CDH4: variants seen among roughly 807,000 people sequenced by gnomAD.
CDH4 encodes cadherin-4.
Under a neutral mutation model 86.0 loss-of-function variants are expected in CDH4, and 33 were observed. The ratio of observed to expected loss-of-function variants is 0.38; its 90% CI spans 0.29 to 0.51. The LOEUF is 0.51. CDH4 is among the 20% of genes least tolerant of loss of function. The pLI is 0.86. For synonymous variants in CDH4, 555 were observed against 549.4 expected, an observed-to-expected ratio of 1.01 and a Z score of -0.14; for missense variants, 1,114 against 1,307.4, an observed-to-expected ratio of 0.85 and a Z score of 2.28.
chr20:61,464,741 A>G (rs929588883), intron 2 of CDH4, among the ~76,000 whole-genome samples: 5 of 152,198 alleles, frequency 3.3e-5, no homozygotes, highest in African/African-American at 1.2e-4. Flanking sequence ...GAGACACACT[A>G]GCAGAGCCCA....
chr20:61,534,628 G>T (rs537539469), intron 2 of CDH4, among the ~76,000 whole-genome samples: 1 of 138,704 alleles, frequency 7.2e-6, no homozygotes, highest in East Asian at 2.1e-4. Context: ...CTAAGTGGTG[G>T]TTTTTTCTTT....
chr20:61,302,112 T>A (rs1280513125), intron 2 of CDH4, among the ~76,000 whole-genome samples: 1 of 152,248 alleles, frequency 6.6e-6, no homozygotes, highest in Non-Finnish European at 1.5e-5. Flanking sequence ...GTAAGGAGAC[T>A]CCACTACAAA....
At chr20:61,592,154 C>A (rs910105996) in intron 2 of CDH4, among the ~76,000 whole-genome samples, 5 of 152,076 alleles carry the variant, frequency 3.3e-5, no homozygotes, top group Admixed American at 6.5e-5. Flanking sequence ...TTTCCCCCAG[C>A]CATTTACTTT....
chr20:61,914,755 T>A (rs2054887502), intron 9 of CDH4, among the ~76,000 whole-genome samples: 1 of 152,162 alleles, frequency 6.6e-6, no homozygotes, highest in South Asian at 2.1e-4. Context: ...AACCCAGATG[T>A]GAAAATCTGC....
chr20:61,661,089 G>GGGGA (rs75519977), intron 2 of CDH4, among the ~76,000 whole-genome samples: 5 of 140,332 alleles, frequency 3.6e-5, no homozygotes, highest in African/African-American at 1.2e-4. Flanking sequence ...CATGGCGGGG[G>GGGGA]GGGGGGAGAC....
At chr20:61,588,786 C>T (rs913422084) in intron 2 of CDH4, among the ~76,000 whole-genome samples, 3 of 152,168 alleles carry the variant, frequency 2.0e-5, no homozygotes, top group South Asian at 2.1e-4. Flanking sequence ...CGAGAAAAGC[C>T]GACAAAACCT....
chr20:61,524,157 A>G (rs1422872747), intron 2 of CDH4, among the ~76,000 whole-genome samples: 1 of 152,184 alleles, frequency 6.6e-6, no homozygotes, highest in Admixed American at 6.5e-5. Context: ...GCTGTGGTCC[A>G]TTGGGCTGCT....
At chr20:61,927,076 C>T (rs1267830986) in intron 11 of CDH4, among the ~76,000 whole-genome samples, 2 of 152,220 alleles carry the variant, frequency 1.3e-5, no homozygotes, top group African/African-American at 2.4e-5. Flanking sequence ...AAGGTAGCGC[C>T]GCGCTGCGTC....
intron 2 of CDH4, among the ~76,000 whole-genome samples, chr20:61,627,051 C>T (rs2086836057): frequency 6.6e-6 from 1 of 152,042 alleles, no homozygotes. Flanking sequence ...GGAAAAGAGT[C>T]AGAAGAAGCG....
intron 2 of CDH4, among the ~76,000 whole-genome samples, chr20:61,394,457 C>T (rs2085004288): frequency 6.6e-6 from 1 of 152,160 alleles, no homozygotes; most frequent in African/African-American, 2.4e-5. Flanking sequence ...ATTTCTTAAA[C>T]TCTTTCCTGT....
intron 7 of CDH4, among the ~76,000 whole-genome samples, chr20:61,881,064 G>A (rs1027722534): frequency 6.6e-6 from 1 of 152,226 alleles, no homozygotes; most frequent in African/African-American, 2.4e-5. Context: ...CCCTGGTGAG[G>A]AAGCTGAGTG....
At position 61,687,979 on chromosome 20, in the gene CDH4, ATAT is replaced by A. The variant is rs577376626; in HGVS notation, c.170-55577_170-55575del. ...AAGCATTAACCTTGTACTAACTTAG[ATAT>A]TATTATGACTTCATAATAAGTCGTA... On this transcript the variant is annotated intron_variant, in intron 2 of 15. Transcript: ENST00000614565. Among the ~76,000 whole-genome samples the A allele has an allele frequency of 2.4e-4, 36 of 152,264 alleles. No homozygotes were observed. The South Asian group carries it at 7.3e-3, about 31-fold the overall frequency.
rs1008182650 is a variant in CDH4 at position 61,269,606 on chromosome 20, ATTAT to A, written c.169+14677_169+14680del. ...ATTTATTAATTATTTATTAGTTATA[ATTAT>A]TTATTTAATTAATTATACTTATTTA... On this transcript the variant is annotated intron_variant, in intron 2 of 15. Transcript: ENST00000614565. The surrounding 1 kb of genome is among the most constrained non-coding windows in gnomAD (Gnocchi z 5.3). Among the ~76,000 whole-genome samples the A allele has an allele frequency of 1.3e-4, 20 of 152,002 alleles. No homozygotes were observed. Among genetic ancestry groups the A allele is most frequent in the Non-Finnish European group, 4.4e-5 (3 of 68,016 alleles).
intron 2 of CDH4, among the ~76,000 whole-genome samples, chr20:61,345,695 C>A (rs138983256): frequency 6.6e-6 from 1 of 152,182 alleles, no homozygotes; most frequent in South Asian, 2.1e-4. Flanking sequence ...TTTGTGGTCA[C>A]CCCTGCACTG....
chr20:61,638,591 G>C (rs190201446), intron 2 of CDH4, among the ~76,000 whole-genome samples: 1 of 152,088 alleles, frequency 6.6e-6, no homozygotes, highest in Admixed American at 6.5e-5. Context: ...AGTTCCCAGG[G>C]TATTGGCTGA....
chr20:61,869,430 C>T (rs1019229893), intron 6 of CDH4, among the ~76,000 whole-genome samples: 3 of 152,226 alleles, frequency 2.0e-5, no homozygotes, highest in East Asian at 1.9e-4. Context: ...ACATACTGTC[C>T]AGCCCTTTAC....
intron 2 of CDH4, among the ~76,000 whole-genome samples, chr20:61,306,737 C>A (rs971782233): frequency 6.6e-6 from 1 of 152,206 alleles, no homozygotes; most frequent in Non-Finnish European, 1.5e-5. Flanking sequence ...CCCTTGGGGC[C>A]AGCACCGACC....
intron 2 of CDH4, among the ~76,000 whole-genome samples, chr20:61,729,685 C>T (rs909503517): frequency 3.3e-5 from 5 of 152,162 alleles, no homozygotes; most frequent in East Asian, 1.9e-4. Flanking sequence ...AGGGCCACAC[C>T]GGAGAGTGTA....
At chr20:61,712,357 A>G (rs2087902827) in intron 2 of CDH4, among the ~76,000 whole-genome samples, 1 of 152,038 alleles carries the variant, frequency 6.6e-6, no homozygotes, top group African/African-American at 2.4e-5. Context: ...CTGATGAGAG[A>G]GATGGCAGTC....
Sources: gnomAD v4.1 joint callset for allele counts (sites outside exome capture counted in the v4.1 genomes callset) on GRCh38, gnomAD v4.1.1 for gene constraint, Gnocchi (gnomAD v3.1) non-coding constraint, MANE v1.5 for transcripts, NCBI Gene and HGNC (gene_info 2026-07-23, HGNC 2026-07-21) for gene names.